The following TTC4 variants were observed in gnomAD, a reference collection of about 807,000 sequenced individuals.
TTC4 encodes the protein hsp70/Hsp90 co-chaperone CNS1 homolog.
A neutral mutation model predicts 51.9 loss-of-function variants in TTC4; 36 were observed. That is an observed-to-expected ratio of 0.69 (90% confidence interval 0.53 to 0.92). The LOEUF (loss-of-function observed/expected upper bound fraction) is 0.92. Ranked by LOEUF, TTC4 falls within the 40% of genes least tolerant of loss-of-function variation. TTC4 has a pLI of 0.00. For missense variants in TTC4, 399 were observed against 454.6 expected (o/e 0.88, Z 1.11); for synonymous variants, 144 against 164.2 (o/e 0.88, Z 0.94).
At chr1:54,727,113 A>G (rs188114481) in intron 5 of TTC4, among the ~76,000 whole-genome samples, 22 of 152,240 alleles carry the variant, frequency 1.4e-4, no homozygotes, top group African/African-American at 4.6e-4. Context: ...AAAACATACG[A>G]CAGAGCTACA....
chr1:54,734,592 G>A (rs978172940), intron 8 of TTC4, among the ~76,000 whole-genome samples: 2 of 152,070 alleles, frequency 1.3e-5, no homozygotes, highest in African/African-American at 4.8e-5. Context: ...GTTTTGCTAT[G>A]TTGGCCAGGC....
intron 7 of TTC4, 45 bp downstream of exon 7, chr1:54,731,745 C>A: frequency 6.3e-7 from 1 of 1,581,784 alleles, no homozygotes; most frequent in Non-Finnish European, 8.6e-7. Flanking sequence ...TGCATGCTGT[C>A]TCTGTTTTTG....
intron 6 of TTC4, among the ~76,000 whole-genome samples, chr1:54,730,623 A>C (rs1186526553): frequency 6.6e-6 from 1 of 152,116 alleles, no homozygotes; most frequent in Non-Finnish European, 1.5e-5. Flanking sequence ...ATTGCATGTC[A>C]TTTCCCCTCA....
intron 6 of TTC4, among the ~76,000 whole-genome samples, chr1:54,731,020 T>C (rs562069596): frequency 2.0e-5 from 3 of 152,308 alleles, no homozygotes; most frequent in African/African-American, 7.2e-5. Context: ...ATTATTTCCA[T>C]AGCTGTCTCA....
chr1:54,717,175 GC>G (rs1333586031), intron 2 of TTC4, among the ~76,000 whole-genome samples: 1 of 152,070 alleles, frequency 6.6e-6, no homozygotes, highest in Admixed American at 6.5e-5. Flanking sequence ...CAATCCCCCT[GC>G]CCCTCACTGA....
At chr1:54,730,354 C>G (rs536492574) in intron 6 of TTC4, among the ~76,000 whole-genome samples, 4 of 147,868 alleles carry the variant, frequency 2.7e-5, no homozygotes, top group East Asian at 4.0e-4. Flanking sequence ...AAGAGTTACT[C>G]TCAACAGTAC....
intron 8 of TTC4, 159 bp from the exon 9 acceptor site, chr1:54,737,423 C>A: frequency 3.4e-6 from 2 of 587,008 alleles, no homozygotes; most frequent in South Asian, 4.1e-5. Context: ...AGTGGCATGG[C>A]GGGGGGGTAC....
At chr1:54,733,826 C>T (rs1353706688) in intron 8 of TTC4, 116 bp downstream of exon 8, 1 of 637,594 alleles carries the variant, frequency 1.6e-6, no homozygotes, top group Non-Finnish European at 2.5e-6. Flanking sequence ...GTAAAATATA[C>T]ATGACATAAT....
chr1:54,722,719 A>C lies in TTC4; in HGVS notation c.514A>C (p.Asn172His). The C allele has an allele frequency of 6.2e-7, 1 of 1,613,952 alleles. No individual in the cohort carries two copies. The highest frequency in any genetic ancestry group is 8.5e-7 in the Non-Finnish European group (1 of 1,179,902). The change falls in exon 5 of 10, where the codon AAC (asparagine) becomes CAC (histidine). Residue 172 changes from asparagine to histidine, a missense_variant. This residue lies in a region of TTC4 where 316 missense variants were observed against 349.6 expected (regional missense o/e 0.90). Coordinates refer to ENST00000371281, the MANE Select transcript of TTC4 (RefSeq NM_004623.5). ...ACTGAAACACTTTGCCGAGGCCGTGAACTGGTGTGATGAGGGACTGCAAAT... is the reference window on the plus strand; with the variant it reads ...ACTGAAACACTTTGCCGAGGCCGTGCACTGGTGTGATGAGGGACTGCAAAT... The part of the protein sequence containing the change: ...LELKHFAEAV[N>H]WCDEGLQIDA...
At chr1:54,740,130 A>G (rs1459151290) in intron 9 of TTC4, among the ~76,000 whole-genome samples, 1 of 151,618 alleles carries the variant, frequency 6.6e-6, no homozygotes, top group Non-Finnish European at 1.5e-5. Flanking sequence ...AGCTATGATC[A>G]CACCACTGCA....
intron 8 of TTC4, among the ~76,000 whole-genome samples, chr1:54,735,430 A>G (rs1218901443): frequency 2.0e-5 from 3 of 152,182 alleles, no homozygotes; most frequent in Non-Finnish European, 4.4e-5. Flanking sequence ...CGTGTTGGCC[A>G]GGCTGGTCTC....
At position 54,722,143 on chromosome 1, in the gene TTC4, T is replaced by C. The variant is rs572740837; in HGVS notation, c.470-532T>C. Among the ~76,000 whole-genome samples, 226 of 152,066 alleles carry C rather than the reference T, an allele frequency of 1.5e-3. 1 individual carries two copies. The highest frequency in any genetic ancestry group is 5.0e-3 in the African/African-American group (209 of 41,480). On this transcript the variant is annotated intron_variant, in intron 4 of 9. Transcript: ENST00000371281. ...GATAACATGAAATTTTTTTTTTTTTTTTTGATGGGGGAGAGGCAGCTTAAA... is the reference window on the plus strand; with the variant it reads ...GATAACATGAAATTTTTTTTTTTTTCTTTGATGGGGGAGAGGCAGCTTAAA...
At chr1:54,723,224 C>T in intron 5 of TTC4, among the ~76,000 whole-genome samples, 1 of 152,158 alleles carries the variant, frequency 6.6e-6, no homozygotes, top group East Asian at 1.9e-4. Context: ...ATAGGCTGTA[C>T]CATATAATCT....
chr1:54,720,927 A>C (rs1051963778), intron 3 of TTC4, among the ~76,000 whole-genome samples: 9 of 152,020 alleles, frequency 5.9e-5, no homozygotes, highest in Admixed American at 4.6e-4. Context: ...TTTCCTAATC[A>C]TTAGTGATGT....
chr1:54,728,651 A>G (rs1355297655), intron 6 of TTC4, among the ~76,000 whole-genome samples: 1 of 152,214 alleles, frequency 6.6e-6, no homozygotes, highest in Non-Finnish European at 1.5e-5. Flanking sequence ...TAACATATAC[A>G]GTTGTCTCCA....
At chr1:54,718,160 C>T (rs994351656) in intron 3 of TTC4, among the ~76,000 whole-genome samples, 7 of 151,984 alleles carry the variant, frequency 4.6e-5, no homozygotes, top group African/African-American at 1.4e-4. Flanking sequence ...ACAGGAGGAT[C>T]GCCTGAGGCC....
chr1:54,730,632 C>T (rs1645853909), intron 6 of TTC4, among the ~76,000 whole-genome samples: 1 of 152,192 alleles, frequency 6.6e-6, no homozygotes, highest in East Asian at 1.9e-4. Context: ...CATTTCCCCT[C>T]ATGTGCTAAC....
chr1:54,733,719 A>C lies in TTC4; in HGVS notation c.978+9A>C. On this transcript the variant is annotated intron_variant, in intron 8 of 9. Transcript: ENST00000371281. ...GCCCTGATAATTTGGAGGTAAGAGA[A>C]GTTTTATTTCGTTCCTCTATGGAAT... The C allele has an allele frequency of 6.6e-7, 1 of 1,521,500 alleles. No individual in the cohort carries two copies. The highest frequency in any genetic ancestry group is 9.0e-7 in the Non-Finnish European group (1 of 1,112,188). 94.2% of individuals were successfully genotyped at this position (1,521,500 alleles called of 1,614,324 possible).
intron 7 of TTC4, 128 bp downstream of exon 7, chr1:54,731,828 T>G: frequency 1.1e-6 from 1 of 879,946 alleles, no homozygotes; most frequent in South Asian, 1.7e-5. Context: ...ACCATCTGGT[T>G]TGATAATAAC....
Sources: gnomAD v4.1 joint callset for allele counts (sites outside exome capture counted in the v4.1 genomes callset) on GRCh38, gnomAD v4.1.1 for gene constraint, gnomAD v4.1.1 regional missense constraint, MANE v1.5 for transcripts, NCBI Gene and HGNC (gene_info 2026-07-23, HGNC 2026-07-21) for gene names.